Variants in GALNT17 observed in about 807,000 individuals in gnomAD.
GALNT17 encodes polypeptide N-acetylgalactosaminyltransferase 17.
Under a neutral mutation model 63.7 loss-of-function variants are expected in GALNT17, and 29 were observed. The observed-to-expected ratio is 0.46, with a 90% CI of 0.34 to 0.62. The LOEUF is 0.62. GALNT17 is among the 20% of genes least tolerant of loss of function. The pLI is 0.01. For synonymous variants in GALNT17, 305 were observed against 318.3 expected (o/e 0.96, Z 0.45); for missense variants, 603 against 799.6 (o/e 0.75, Z 2.97).
chr7:71,676,065 G>C (rs1791145921), intron 8 of GALNT17, among the ~76,000 whole-genome samples: 1 of 152,128 alleles, frequency 6.6e-6, no homozygotes, highest in Non-Finnish European at 1.5e-5. Flanking sequence ...ACCTGGAGGG[G>C]AATGAATATA....
At chr7:71,270,596 G>A (rs1790569563) in intron 1 of GALNT17, among the ~76,000 whole-genome samples, 1 of 144,750 alleles carries the variant, frequency 6.9e-6, no homozygotes, top group South Asian at 2.2e-4. Flanking sequence ...AAGGTAAAGA[G>A]AATAATATAA....
At chr7:71,639,435 G>C (rs1790573640) in intron 6 of GALNT17, among the ~76,000 whole-genome samples, 1 of 152,150 alleles carries the variant, frequency 6.6e-6, no homozygotes, top group African/African-American at 2.4e-5. Context: ...TGTGCCTACT[G>C]GTGTCCCAGA....
chr7:71,701,725 G>GTA (rs528212033), intron 9 of GALNT17, among the ~76,000 whole-genome samples: 17,481 of 138,618 alleles, frequency 0.13, 1,320 homozygotes, highest in African/African-American at 0.19. Flanking sequence ...TGTGGTGTAT[G>GTA]TATATATATA....
chr7:71,517,708 C>A (rs1000197341), intron 5 of GALNT17, among the ~76,000 whole-genome samples: 1 of 152,132 alleles, frequency 6.6e-6, no homozygotes, highest in African/African-American at 2.4e-5. Context: ...AGCTCTTTGC[C>A]AGGGGCTGTT....
At chr7:71,218,134 C>G (rs543898838) in intron 1 of GALNT17, among the ~76,000 whole-genome samples, 2 of 152,268 alleles carry the variant, frequency 1.3e-5, no homozygotes, top group South Asian at 4.1e-4. Flanking sequence ...TAGCTCACTC[C>G]TGTAATCCCA....
chr7:71,197,136 T>A (rs995934552), intron 1 of GALNT17, among the ~76,000 whole-genome samples: 271 of 151,890 alleles, frequency 1.8e-3, no homozygotes, highest in Non-Finnish European at 2.5e-3. Flanking sequence ...TCATACTCTT[T>A]TAGTTATTTT....
intron 4 of GALNT17, among the ~76,000 whole-genome samples, chr7:71,417,726 C>G (rs1786566070): frequency 1.3e-5 from 2 of 152,204 alleles, no homozygotes; most frequent in South Asian, 4.1e-4. Flanking sequence ...TCCGTTACAG[C>G]CTCAGGCCTG....
At chr7:71,164,957 A>G (rs1034863640) in intron 1 of GALNT17, among the ~76,000 whole-genome samples, 2 of 152,230 alleles carry the variant, frequency 1.3e-5, no homozygotes, top group Non-Finnish European at 2.9e-5. Flanking sequence ...ATGAATTTGC[A>G]TAAGAAGCAA....
chr7:71,458,182 T>C (rs1428229591), intron 5 of GALNT17, among the ~76,000 whole-genome samples: 2 of 152,256 alleles, frequency 1.3e-5, no homozygotes. Context: ...GATTCTATCC[T>C]GTGCATTAGC....
Position 71,352,576 on chromosome 7 carries a change from T to C in GALNT17, c.422+16843T>C, listed in dbSNP as rs116721350. On this transcript the variant is annotated intron_variant, in intron 2 of 10. Transcript: ENST00000333538. ...ATGTTTAGTCATATATTGGGAGATATCAAATAGATGGTTGAACAATTTATG... is the reference window on the plus strand; with the variant it reads ...ATGTTTAGTCATATATTGGGAGATACCAAATAGATGGTTGAACAATTTATG... Among the ~76,000 whole-genome samples the C allele has an allele frequency of 3.4e-3, 515 of 152,302 alleles. 4 individuals are homozygous for C. Among genetic ancestry groups the C allele is most frequent in the African/African-American group, 0.011 (456 of 41,570 alleles).
At chr7:71,341,334 A>C (rs940500833) in intron 2 of GALNT17, among the ~76,000 whole-genome samples, 1 of 152,242 alleles carries the variant, frequency 6.6e-6, no homozygotes, top group Admixed American at 6.5e-5. Flanking sequence ...TTCAACATCC[A>C]CTAATGAGAA....
intron 1 of GALNT17, among the ~76,000 whole-genome samples, chr7:71,276,826 C>T (rs1319174264): frequency 6.6e-6 from 1 of 151,940 alleles, no homozygotes; most frequent in African/African-American, 2.4e-5. Flanking sequence ...GGTGAAACCC[C>T]CTATCTACTA....
intron 5 of GALNT17, among the ~76,000 whole-genome samples, chr7:71,504,009 A>G (rs931143225): frequency 2.0e-4 from 31 of 152,194 alleles, no homozygotes; most frequent in African/African-American, 7.5e-4. Context: ...CGGGCGGATC[A>G]TGAGGTTAGG....
intron 5 of GALNT17, among the ~76,000 whole-genome samples, chr7:71,500,004 CCTT>C (rs1284080668): frequency 2.0e-5 from 3 of 152,214 alleles, no homozygotes; most frequent in Non-Finnish European, 4.4e-5. Context: ...GTTTGCTTCT[CCTT>C]CTACCATCAT....
intron 1 of GALNT17, among the ~76,000 whole-genome samples, chr7:71,159,243 A>G (rs1421634072): frequency 8.7e-6 from 1 of 114,734 alleles, no homozygotes; most frequent in East Asian, 2.0e-4. Context: ...TTTTAACTCA[A>G]ATGTGCCTTT....
At chr7:71,372,304 A>C (rs1459437891) in intron 2 of GALNT17, among the ~76,000 whole-genome samples, 2 of 152,116 alleles carry the variant, frequency 1.3e-5, no homozygotes, top group Non-Finnish European at 2.9e-5. Context: ...AGCTGGGATT[A>C]TAGGCACCCA....
chr7:71,562,920 G>A (rs976661102), intron 5 of GALNT17, among the ~76,000 whole-genome samples: 3 of 152,150 alleles, frequency 2.0e-5, no homozygotes, highest in South Asian at 4.1e-4. Flanking sequence ...AGGAGGGGAA[G>A]CATCTAGAAT....
At chr7:71,530,424 A>G (rs1198006314) in intron 5 of GALNT17, among the ~76,000 whole-genome samples, 1 of 152,174 alleles carries the variant, frequency 6.6e-6, no homozygotes, top group African/African-American at 2.4e-5. Context: ...TTTCTATCTC[A>G]GTTATTCTTA....
At chr7:71,206,789 C>T (rs1212558076) in intron 1 of GALNT17, among the ~76,000 whole-genome samples, 1 of 152,060 alleles carries the variant, frequency 6.6e-6, no homozygotes, top group South Asian at 2.1e-4. Context: ...ACTGTCTGCA[C>T]GAGGTACCCC....
Sources: allele counts gnomAD v4.1 joint callset (sites outside exome capture counted in the v4.1 genomes callset), GRCh38; gene constraint gnomAD v4.1.1; transcripts MANE v1.5; gene names NCBI Gene and HGNC (gene_info 2026-07-23, HGNC 2026-07-21).